L3MBTL3: variants seen among roughly 807,000 people sequenced by gnomAD.
The protein encoded by L3MBTL3 is L3MBTL histone methyl-lysine binding protein 3.
Under a neutral mutation model 102.3 loss-of-function variants are expected in L3MBTL3, and 27 were observed. The ratio of observed to expected loss-of-function variants is 0.26; its 90% confidence interval spans 0.19 to 0.36. L3MBTL3 has a LOEUF of 0.36. Ranked by LOEUF, L3MBTL3 falls within the 10% of genes least tolerant of loss-of-function variation. The pLI, the probability that L3MBTL3 is intolerant of heterozygous loss-of-function variation, is 1.00. For missense variants in L3MBTL3, 798 were observed against 955.3 expected (o/e 0.84, Z 2.17); for synonymous variants, 340 against 320.9 (o/e 1.06, Z -0.64).
chr6:130,071,243 T>C, intron 13 of L3MBTL3, 116 bp downstream of exon 13: 1 of 889,134 alleles, frequency 1.1e-6, no homozygotes, highest in South Asian at 1.9e-5. Flanking sequence ...TGCCCCACTT[T>C]TTCCTGTTAC....
chr6:130,030,946 T>A (rs1478770960), intron 2 of L3MBTL3, among the ~76,000 whole-genome samples: 5 of 152,230 alleles, frequency 3.3e-5, no homozygotes, highest in African/African-American at 1.2e-4. Context: ...GAAATTATTG[T>A]GCCCCACCAT....
intron 19 of L3MBTL3, among the ~76,000 whole-genome samples, chr6:130,108,231 GTTT>G (rs869221525): frequency 7.7e-5 from 7 of 91,052 alleles, no homozygotes; most frequent in East Asian, 3.9e-4. Flanking sequence ...TTTTTTTTTT[GTTT>G]TTTTTTTTTT....
intron 2 of L3MBTL3, among the ~76,000 whole-genome samples, chr6:130,037,157 CACTT>C (rs1347980230): frequency 1.3e-5 from 2 of 152,168 alleles, no homozygotes; most frequent in African/African-American, 4.8e-5. Context: ...TTGTGCCTGA[CACTT>C]AGTATCTGGT....
At chr6:130,054,115 A>T (rs2114813518) in intron 7 of L3MBTL3, among the ~76,000 whole-genome samples, 1 of 152,358 alleles carries the variant, frequency 6.6e-6, no homozygotes, top group African/African-American at 2.4e-5. Context: ...GGAGTCAGCT[A>T]TGTGAAGTTG....
chr6:130,138,750 G>A (rs764687552), intron 22 of L3MBTL3, among the ~76,000 whole-genome samples: 7 of 148,248 alleles, frequency 4.7e-5, no homozygotes, highest in Non-Finnish European at 9.1e-5. Flanking sequence ...GTACAAGGTG[G>A]GAAAACTGAA....
rs779154531 is a variant in L3MBTL3, at chr6:130,066,462, C to G, written c.974C>G (p.Thr325Ser). 17 of 1,610,410 alleles carry G rather than the reference C, an allele frequency of 1.1e-5. No homozygotes were observed. The highest frequency in any genetic ancestry group is 5.3e-5 in the African/African-American group (4 of 74,772). Residue 325 changes from threonine (T) to serine (S), a missense_variant, in exon 11 of 23, where the codon ACC (threonine) becomes AGC (serine). Thr to Ser is a moderately conservative substitution (Grantham distance 58, BLOSUM62 1). Around this residue, in one of 4 missense-constraint regions of L3MBTL3, gnomAD observed 434 missense variants for 506.6 expected, o/e 0.86. Coordinates refer to ENST00000361794, the MANE Select transcript of L3MBTL3 (RefSeq NM_032438.4). ...DIHPVGWCEK[T>S]GHKLHPPKGY... ...CACCCAGTTGGGTGGTGTGAGAAAA[C>G]CGGCCACAAACTCCATCCTCCAAAA...
chr6:130,026,076 AG>A (rs1177224086), intron 2 of L3MBTL3, among the ~76,000 whole-genome samples: 1 of 152,058 alleles, frequency 6.6e-6, no homozygotes, highest in Non-Finnish European at 1.5e-5. Flanking sequence ...TTCCTGTGAT[AG>A]GACCCGGCAG....
At chr6:130,076,782 T>C (rs891230117) in intron 13 of L3MBTL3, among the ~76,000 whole-genome samples, 2 of 152,178 alleles carry the variant, frequency 1.3e-5, no homozygotes, top group African/African-American at 4.8e-5. Context: ...CTTCCAACTT[T>C]TGAGTGAAGT....
chr6:130,084,232 A>G (rs760212632), intron 15 of L3MBTL3, among the ~76,000 whole-genome samples: 9 of 152,188 alleles, frequency 5.9e-5, no homozygotes, highest in Non-Finnish European at 1.3e-4. Flanking sequence ...TTAAGATTCA[A>G]ATGAACCTCA....
intron 2 of L3MBTL3, among the ~76,000 whole-genome samples, chr6:130,035,665 A>G (rs1780011624): frequency 6.6e-6 from 1 of 152,194 alleles, no homozygotes; most frequent in African/African-American, 2.4e-5. Context: ...GCTGGGCATC[A>G]ATGCCTTTGG....
intron 2 of L3MBTL3, among the ~76,000 whole-genome samples, chr6:130,037,045 C>T (rs1284041433): frequency 6.6e-6 from 1 of 152,214 alleles, no homozygotes; most frequent in East Asian, 1.9e-4. Context: ...GATAAAATCC[C>T]TGTTTTTCTG....
At chr6:130,019,947 T>TGCGGGC (rs1404562050) in intron 1 of L3MBTL3, among the ~76,000 whole-genome samples, 35 of 108,304 alleles carry the variant, frequency 3.2e-4, no homozygotes, top group East Asian at 9.0e-4. Context: ...CCGGCCCGGG[T>TGCGGGC]GCGGGCGCGG....
At chr6:130,123,613 TTATC>T (rs1786391059) in intron 20 of L3MBTL3, among the ~76,000 whole-genome samples, 1 of 152,236 alleles carries the variant, frequency 6.6e-6, no homozygotes, top group Admixed American at 6.5e-5. Flanking sequence ...AACATAAAAT[TTATC>T]TATAGTGAAA....
At position 130,049,305 on chromosome 6, in the gene L3MBTL3, C is replaced by T; in HGVS notation, c.126C>T (p.Ala42=). ...DLKFRVNEFG[A]LEVITDENEM... The stretch of plus-strand genomic sequence containing the variant: ...AGTTTCGGGTAAATGAGTTTGGAGC[C>T]CTGGAAGTTATTACAGATGAGAATG... The change falls in exon 4 of 23, where the codon GCC becomes GCT. Residue 42 remains alanine (A), a synonymous_variant. Transcript: ENST00000361794. 3 of 1,612,700 alleles carry T rather than the reference C, an allele frequency of 1.9e-6. No individual in the cohort carries two copies. The highest frequency in any genetic ancestry group is 1.7e-6 in the Non-Finnish European group (2 of 1,179,200).
At chr6:130,049,150 A>AG (rs1780920852) in intron 3 of L3MBTL3, 132 bp from the exon 4 acceptor site, 2 of 607,394 alleles carry the variant, frequency 3.3e-6, no homozygotes, top group African/African-American at 3.7e-5. Context: ...GAGGTGTATC[A>AG]GGATATAATT....
chr6:130,054,975 A>T, intron 7 of L3MBTL3, 196 bp from the exon 8 acceptor site: 2 of 536,548 alleles, frequency 3.7e-6, no homozygotes, highest in Non-Finnish European at 6.7e-6. Context: ...TAACACGTGG[A>T]TACAGTCTTA....
chr6:130,047,919 A>G (rs1562263433), intron 3 of L3MBTL3, among the ~76,000 whole-genome samples: 4 of 152,158 alleles, frequency 2.6e-5, no homozygotes, highest in Admixed American at 2.6e-4. Context: ...TTTGGTATAC[A>G]CACTTGGTAT....
At chr6:130,031,459 A>C (rs1779719668) in intron 2 of L3MBTL3, among the ~76,000 whole-genome samples, 2 of 152,220 alleles carry the variant, frequency 1.3e-5, no homozygotes, top group African/African-American at 4.8e-5. Flanking sequence ...CTGGGACAGC[A>C]CTCCACAGAT....
intron 19 of L3MBTL3, among the ~76,000 whole-genome samples, chr6:130,111,964 G>C (rs1340344652): frequency 6.6e-6 from 1 of 152,140 alleles, no homozygotes. Flanking sequence ...GTCTCTGCAG[G>C]CTCTTTTTTC....
Sources: allele counts gnomAD v4.1 joint callset (sites outside exome capture counted in the v4.1 genomes callset), GRCh38; gene constraint gnomAD v4.1.1; regional missense constraint gnomAD v4.1.1; transcripts MANE v1.5; gene names NCBI Gene and HGNC (gene_info 2026-07-23, HGNC 2026-07-21).